MBNL2: variants seen among roughly 807,000 people sequenced by gnomAD.
The protein encoded by MBNL2 is muscleblind like splicing regulator 2.
A neutral mutation model predicts 41.9 loss-of-function variants in MBNL2; 17 were observed. The observed-to-expected ratio is 0.41, with a 90% CI of 0.28 to 0.61. The LOEUF (loss-of-function observed/expected upper bound fraction) is 0.61, where lower values mean the gene tolerates loss of function less well. MBNL2 is among the 20% of genes least tolerant of loss of function. The probability of loss-of-function intolerance (pLI) is 0.35; values close to 1 mark genes in which losing one functional copy is unlikely to be tolerated. For missense variants in MBNL2, 336 were observed against 505.6 expected (o/e 0.66, Z 3.22); for synonymous variants, 195 against 182.9 (o/e 1.07, Z -0.53).
the MBNL2 span, among the ~76,000 whole-genome samples, chr13:97,143,836 GT>G: frequency 3.3e-5 from 5 of 151,928 alleles, no homozygotes; most frequent in African/African-American, 1.2e-4. Context: ...GTTTAAATGA[GT>G]TTTTTGGTTT....
At chr13:97,328,624 A>C (rs1467699973) in intron 2 of MBNL2, among the ~76,000 whole-genome samples, 1 of 151,828 alleles carries the variant, frequency 6.6e-6, no homozygotes, top group Non-Finnish European at 1.5e-5. Context: ...CCGGTCAATG[A>C]CTCAGCCCAT....
the MBNL2 span, among the ~76,000 whole-genome samples, chr13:97,169,446 G>A: frequency 3.9e-5 from 6 of 152,168 alleles, no homozygotes; most frequent in African/African-American, 1.4e-4. Flanking sequence ...ATCAGTTTTC[G>A]AATACTTCCT....
intron 1 of MBNL2, among the ~76,000 whole-genome samples, chr13:97,261,130 AT>A (rs1566373216): frequency 6.6e-6 from 1 of 151,630 alleles, no homozygotes; most frequent in Non-Finnish European, 1.5e-5. Flanking sequence ...CTCTGCAGCT[AT>A]TCATTCCGAT....
chr13:97,219,308 A>G (rs1306185125), upstream of MBNL2, among the ~76,000 whole-genome samples: 1 of 152,228 alleles, frequency 6.6e-6, no homozygotes, highest in Non-Finnish European at 1.5e-5. Flanking sequence ...TGGCTAAGCT[A>G]GAGAAGCAGG....
At chr13:97,175,411 C>T in the MBNL2 span, among the ~76,000 whole-genome samples, 1 of 152,114 alleles carries the variant, frequency 6.6e-6, no homozygotes, top group Admixed American at 6.5e-5. Flanking sequence ...TAACAGTGAT[C>T]CAGGAAAACG....
At chr13:97,167,974 T>TA in the MBNL2 span, among the ~76,000 whole-genome samples, 49 of 151,662 alleles carry the variant, frequency 3.2e-4, no homozygotes, top group Middle Eastern at 3.4e-3. Context: ...TATATATATA[T>TA]TTTTTTTTGA....
At chr13:97,252,969 G>T (rs2046851599) in intron 1 of MBNL2, among the ~76,000 whole-genome samples, 2 of 152,128 alleles carry the variant, frequency 1.3e-5, no homozygotes, top group Admixed American at 1.3e-4. Flanking sequence ...AGTGACAGAG[G>T]TCTCTCTCTA....
intron 1 of MBNL2, among the ~76,000 whole-genome samples, chr13:97,244,599 T>C (rs914157646): frequency 7.2e-5 from 11 of 152,258 alleles, no homozygotes; most frequent in Non-Finnish European, 1.6e-4. Context: ...GACTAGATAA[T>C]GTGCCTTGTT....
At chr13:97,235,606 C>T (rs1258870172) in intron 1 of MBNL2, among the ~76,000 whole-genome samples, 1 of 152,180 alleles carries the variant, frequency 6.6e-6, no homozygotes. Context: ...CTCTTCCTTC[C>T]AGTTTGATAA....
chr13:97,321,545 A>C (rs1198852827), intron 2 of MBNL2, among the ~76,000 whole-genome samples: 1 of 152,240 alleles, frequency 6.6e-6, no homozygotes, highest in Non-Finnish European at 1.5e-5. Flanking sequence ...CATGGACCAC[A>C]GCAGGCGATG....
the MBNL2 span, among the ~76,000 whole-genome samples, chr13:97,168,157 G>A: frequency 6.6e-6 from 1 of 152,050 alleles, no homozygotes; most frequent in African/African-American, 2.4e-5. Flanking sequence ...TAGAGATGAG[G>A]TTTCACTAGT....
chr13:97,363,466 T>C (rs1165705230), intron 7 of MBNL2, among the ~76,000 whole-genome samples: 1 of 106,358 alleles, frequency 9.4e-6, no homozygotes, highest in Non-Finnish European at 1.9e-5. Flanking sequence ...GTGTGTGTGA[T>C]CAAAAATCTA....
intron 2 of MBNL2, among the ~76,000 whole-genome samples, chr13:97,327,139 G>A (rs1173868915): frequency 6.6e-6 from 1 of 152,170 alleles, no homozygotes; most frequent in Non-Finnish European, 1.5e-5. Context: ...GCACAAGGAC[G>A]AAAACAGAGG....
At chr13:97,357,992 G>C (rs2063121118) in intron 7 of MBNL2, among the ~76,000 whole-genome samples, 1 of 152,090 alleles carries the variant, frequency 6.6e-6, no homozygotes, top group Non-Finnish European at 1.5e-5. Context: ...CCTAAAAATA[G>C]CAATTCCAGT....
intron 1 of MBNL2, among the ~76,000 whole-genome samples, chr13:97,271,221 T>C (rs1437515507): frequency 6.7e-6 from 1 of 149,480 alleles, no homozygotes; most frequent in African/African-American, 2.5e-5. Context: ...GTTCAAGCAA[T>C]TCTCATGCCT....
At chr13:97,180,657 G>A in the MBNL2 span, among the ~76,000 whole-genome samples, 2,392 of 150,010 alleles carry the variant, frequency 0.016, 73 homozygotes, top group African/African-American at 0.055. Context: ...CAGGAGAATC[G>A]CTTGAACCTG....
chr13:97,320,752 A>G (rs1033166652), intron 2 of MBNL2, among the ~76,000 whole-genome samples: 1 of 151,916 alleles, frequency 6.6e-6, no homozygotes, highest in African/African-American at 2.4e-5. Context: ...CATCTCTATT[A>G]AAAATACAAA....
Position 97,391,509 on chromosome 13 carries a change from T to C in MBNL2, c.*60T>C. Reference sequence around the variant, plus strand: ...CTAAGAAGCTAGTGCTGCTATCTCATATATGAGTATTAAATATGGTATGCT... The same window carrying C: ...CTAAGAAGCTAGTGCTGCTATCTCACATATGAGTATTAAATATGGTATGCT... On this transcript the variant is annotated 3_prime_UTR_variant, in exon 9 of 9. Transcript: ENST00000679496. The C allele has an allele frequency of 1.5e-5, 12 of 787,580 alleles. No homozygotes were observed. In the South Asian group the frequency reaches 1.5e-4, roughly 10 times the overall value. The allele number at this position is 787,580 out of a possible 1,614,324, so 48.8% of individuals were successfully genotyped here. A position where few individuals can be genotyped will look rare whatever the true frequency, so the allele number is the denominator to read the frequency against.
chr13:97,243,552 G>A (rs751786051), intron 1 of MBNL2, among the ~76,000 whole-genome samples: 1 of 152,188 alleles, frequency 6.6e-6, no homozygotes, highest in African/African-American at 2.4e-5. Flanking sequence ...CTTGGAGGAT[G>A]CCCCATATGC....
Sources: allele counts gnomAD v4.1 joint callset (sites outside exome capture counted in the v4.1 genomes callset), GRCh38; gene constraint gnomAD v4.1.1; transcripts MANE v1.5; gene names NCBI Gene and HGNC (gene_info 2026-07-23, HGNC 2026-07-21).